The following CHODL variants were observed in gnomAD, a reference collection of about 807,000 sequenced individuals.
CHODL encodes the protein chondrolectin.
Under a neutral mutation model 34.5 loss-of-function variants are expected in CHODL, and 29 were observed. That is an observed-to-expected ratio of 0.84 (90% CI 0.63 to 1.15). The LOEUF is 1.15. Ranked by LOEUF, CHODL falls within the 50% of genes most tolerant of loss-of-function variation. CHODL has a pLI of 0.00. For missense variants in CHODL, 332 were observed against 332.5 expected (o/e 1.00, Z 0.01); for synonymous variants, 125 against 116.1 (o/e 1.08, Z -0.49).
intron 2 of CHODL, among the ~76,000 whole-genome samples, chr21:18,110,973 T>C (rs1263855235): frequency 6.6e-6 from 1 of 152,228 alleles, no homozygotes; most frequent in East Asian, 1.9e-4. Flanking sequence ...GCCCTATATG[T>C]TCTCCAGACA....
At chr21:17,951,315 C>A (rs146188875) in intron 1 of CHODL, among the ~76,000 whole-genome samples, 11 of 152,230 alleles carry the variant, frequency 7.2e-5, no homozygotes, top group Non-Finnish European at 1.3e-4. Context: ...AGGTAGGTGG[C>A]AGGTATGGTT....
At chr21:18,070,752 A>G (rs1315620009) in intron 2 of CHODL, among the ~76,000 whole-genome samples, 1 of 152,076 alleles carries the variant, frequency 6.6e-6, no homozygotes, top group Non-Finnish European at 1.5e-5. Flanking sequence ...CGTCCTCCAC[A>G]TGTCCTTCCT....
intron 2 of CHODL, among the ~76,000 whole-genome samples, chr21:18,210,115 C>G (rs1274958578): frequency 6.6e-6 from 1 of 152,112 alleles, no homozygotes; most frequent in African/African-American, 2.4e-5. Context: ...TTTAGCATCC[C>G]AGAGTACTTC....
chr21:18,109,124 TTTAAA>T (rs1036022601), intron 2 of CHODL, among the ~76,000 whole-genome samples: 19 of 152,172 alleles, frequency 1.2e-4, no homozygotes, highest in African/African-American at 4.6e-4. Flanking sequence ...GCCTTAACAA[TTTAAA>T]TAAAGTTATA....
intron 2 of CHODL, among the ~76,000 whole-genome samples, chr21:18,188,618 T>A (rs890857306): frequency 6.6e-6 from 1 of 152,246 alleles, no homozygotes; most frequent in Non-Finnish European, 1.5e-5. Context: ...AATAGTGTTT[T>A]CAAATTGGGA....
intron 1 of CHODL, among the ~76,000 whole-genome samples, chr21:17,985,360 A>G (rs1423789074): frequency 6.6e-6 from 1 of 151,884 alleles, no homozygotes; most frequent in African/African-American, 2.4e-5. Context: ...TCTCAACTCC[A>G]CCTCTCGCAT....
intron 2 of CHODL, among the ~76,000 whole-genome samples, chr21:18,131,692 C>G (rs143134224): frequency 1.3e-5 from 2 of 152,166 alleles, no homozygotes; most frequent in Non-Finnish European, 2.9e-5. Context: ...CTGGGTATGC[C>G]TCCTTGCAGT....
At chr21:18,009,911 G>T (rs1021071823) in intron 1 of CHODL, among the ~76,000 whole-genome samples, 2 of 136,506 alleles carry the variant, frequency 1.5e-5, no homozygotes, top group South Asian at 2.4e-4. Context: ...TAACATTTGG[G>T]TATCAATCAG....
At chr21:18,153,513 C>A (rs1368905388) in intron 2 of CHODL, among the ~76,000 whole-genome samples, 1 of 152,144 alleles carries the variant, frequency 6.6e-6, no homozygotes, top group African/African-American at 2.4e-5. Flanking sequence ...CCTGCTGTAT[C>A]TCTTTTAATG....
rs148333126 is a variant in CHODL, at chr21:18,045,697, G to C, written c.-45+17726G>C. 5.4e-3 allele frequency among the ~76,000 whole-genome samples: 816 copies of C among 152,042 alleles called. 22 individuals carry two copies. Among genetic ancestry groups the C allele is most frequent in the South Asian group, 0.035 (168 of 4,818 alleles). ...TTCATGTTGAAACTGAATCCCCAAT[G>C]CATCAGTATTAAGAGGTGTGACCTT... On this transcript the variant is annotated intron_variant, in intron 2 of 6. Coordinates refer to the CHODL transcript ENST00000400127.
chr21:18,215,385 A>T (rs1436486442), intron 2 of CHODL, among the ~76,000 whole-genome samples: 1 of 152,096 alleles, frequency 6.6e-6, no homozygotes, highest in East Asian at 1.9e-4. Context: ...AATTTATTTT[A>T]TGTGGAAGGA....
At chr21:18,122,784 C>T (rs528113932) in intron 2 of CHODL, among the ~76,000 whole-genome samples, 2 of 152,300 alleles carry the variant, frequency 1.3e-5, no homozygotes, top group African/African-American at 2.4e-5. Flanking sequence ...TAATCTTGAA[C>T]AGTGATGTTT....
chr21:18,231,470 G>GA (rs1345548793), intron 2 of CHODL, among the ~76,000 whole-genome samples: 1 of 152,078 alleles, frequency 6.6e-6, no homozygotes, highest in Non-Finnish European at 1.5e-5. Flanking sequence ...ATTAAAGCCT[G>GA]AAGCCTTTCC....
At chr21:17,938,518 G>A (rs1480402559) in intron 1 of CHODL, among the ~76,000 whole-genome samples, 2 of 110,000 alleles carry the variant, frequency 1.8e-5, no homozygotes, top group Admixed American at 1.4e-4. Flanking sequence ...TCGCTCCATC[G>A]CCCAGGCTGG....
At chr21:18,072,258 T>C (rs1568871200) in intron 2 of CHODL, among the ~76,000 whole-genome samples, 1 of 152,102 alleles carries the variant, frequency 6.6e-6, no homozygotes, top group Admixed American at 6.6e-5. Context: ...CATCTCTCTT[T>C]AGTTGAAAGC....
chr21:17,926,999 C>T (rs1319082519), intron 1 of CHODL, among the ~76,000 whole-genome samples: 36 of 150,966 alleles, frequency 2.4e-4, no homozygotes, highest in Admixed American at 6.6e-5. Context: ...CACACGCACA[C>T]ACACACAGAC....
chr21:18,052,067 G>A (rs908342084), intron 2 of CHODL, among the ~76,000 whole-genome samples: 6 of 151,758 alleles, frequency 4.0e-5, no homozygotes, highest in South Asian at 2.1e-4. Flanking sequence ...TTTGTTTTGC[G>A]GGAAGGATTC....
intron 1 of CHODL, among the ~76,000 whole-genome samples, chr21:18,251,207 G>C (rs114617129): frequency 6.7e-6 from 1 of 150,190 alleles, no homozygotes; most frequent in Admixed American, 6.7e-5. Context: ...AATGGCTAAG[G>C]AAAAAGACAA....
In CHODL at chr21:18,186,506, G is replaced by C. The variant is rs1012568424; in HGVS notation, c.-44-70003G>C. Among the ~76,000 whole-genome samples the C allele has an allele frequency of 1.2e-4, 18 of 152,226 alleles. No individual in the cohort carries two copies. The Middle Eastern group carries it at 0.01, about 86-fold the overall frequency. ...TTATGTCCCTTTGCTTAGACCAAAG[G>C]CTTTAAATTTAGAGCACAAGTGTTT... On this transcript the variant is annotated intron_variant, in intron 2 of 6. Transcript: ENST00000400127.
Sources: allele counts gnomAD v4.1 joint callset (sites outside exome capture counted in the v4.1 genomes callset), GRCh38; gene constraint gnomAD v4.1.1; transcripts MANE v1.5; gene names NCBI Gene and HGNC (gene_info 2026-07-23, HGNC 2026-07-21).